MYDGF: variants seen among roughly 807,000 people sequenced by gnomAD.
MYDGF encodes myeloid-derived growth factor.
MYDGF carries 29 observed loss-of-function variants against 24.2 expected under a neutral mutation model. The observed-to-expected ratio is 1.20, with a 90% CI of 0.89 to 1.63. The LOEUF is 1.63. Ranked by LOEUF, MYDGF falls within the 40% of genes most tolerant of loss-of-function variation. The pLI, the probability that MYDGF is intolerant of heterozygous loss-of-function variation, is 0.00. For missense variants in MYDGF, 245 were observed against 234.8 expected, an observed-to-expected ratio of 1.04 and a Z score of -0.29; for synonymous variants, 105 against 102.5, an observed-to-expected ratio of 1.02 and a Z score of -0.15.
intron 2 of MYDGF, among the ~76,000 whole-genome samples, chr19:4,667,491 G>A (rs1599840235): frequency 1.3e-5 from 2 of 151,938 alleles, no homozygotes; most frequent in South Asian, 4.1e-4. Flanking sequence ...AGGCTGGTCT[G>A]GAGCTCCTGA....
intron 2 of MYDGF, among the ~76,000 whole-genome samples, chr19:4,665,944 C>T (rs535799219): frequency 6.6e-5 from 10 of 151,802 alleles, no homozygotes; most frequent in African/African-American, 2.4e-4. Flanking sequence ...AAAAGCCCTC[C>T]TGTCTGCTAA....
chr19:4,670,127 G>A (rs113015946), intron 1 of MYDGF, 34 bp downstream of exon 1: 14,831 of 1,455,552 alleles, frequency 0.01, 135 homozygotes, highest in South Asian at 0.037. Context: ...GGGCCTGCCA[G>A]CACTCAAATA....
chr19:4,658,800 T>A (rs1047444371), intron 5 of MYDGF, among the ~76,000 whole-genome samples: 3 of 152,164 alleles, frequency 2.0e-5, no homozygotes, highest in African/African-American at 4.8e-5. Context: ...ATTTATTTTT[T>A]AAAATTTATT....
chr19:4,662,997 T>A (rs2088482065), intron 3 of MYDGF, among the ~76,000 whole-genome samples: 1 of 150,682 alleles, frequency 6.6e-6, no homozygotes, highest in South Asian at 2.1e-4. Context: ...GTCCTCATTT[T>A]ACACAGCCTC....
intron 3 of MYDGF, among the ~76,000 whole-genome samples, chr19:4,662,587 T>C (rs2088479735): frequency 1.3e-5 from 2 of 152,018 alleles, no homozygotes; most frequent in Non-Finnish European, 2.9e-5. Flanking sequence ...TCGGGCGGTG[T>C]CTGGGGAGAC....
chr19:4,665,820 CAAAAAAAAAAAAA>C (rs533879529), intron 2 of MYDGF, among the ~76,000 whole-genome samples: 1,082 of 45,456 alleles, frequency 0.024, 27 homozygotes, highest in African/African-American at 0.047. Flanking sequence ...GACTCTGTCT[CAAAAAAAAAAAAA>C]AAAAAAAAAA....
At chr19:4,659,612 T>G in intron 5 of MYDGF, 1 of 477,754 alleles carries the variant, frequency 2.1e-6, no homozygotes, top group Non-Finnish European at 3.7e-6. Flanking sequence ...TCCTCCCACC[T>G]TAGCCTCCTG....
intron 5 of MYDGF, among the ~76,000 whole-genome samples, chr19:4,659,004 T>C (rs1268432412): frequency 6.6e-6 from 1 of 152,174 alleles, no homozygotes; most frequent in African/African-American, 2.4e-5. Context: ...GGTTTCACCA[T>C]GTTGGCTAGG....
chr19:4,670,324 G>C lies in MYDGF; in HGVS notation c.11C>G (p.Pro4Arg), dbSNP rs376938392. The C allele has an allele frequency of 6.3e-4, 926 of 1,460,666 alleles. 9 individuals carry two copies. The African/African-American group carries it at 0.011, about 18-fold the overall frequency. 90.5% of individuals were successfully genotyped at this position (1,460,666 alleles called of 1,614,324 possible). MAA[P>R]SGGWNGVGAS... ...GCCGACGCCGTTCCACCCTCCGCTG[G>C]GCGCCGCCATGTTGGACTAGGGTCC... Residue 4 changes from proline to arginine, a missense_variant, in exon 1 of 6, where the codon CCC becomes CGC. Transcript: ENST00000262947.
rs138557888 is a variant in MYDGF at position 4,661,047 on chromosome 19, G to A, written c.288-297C>T. 5.3e-4 allele frequency among the ~76,000 whole-genome samples: 79 copies of A among 148,218 alleles called. 1 individual carries two copies. In the East Asian group the frequency reaches 0.015, roughly 27 times the overall value. On this transcript the variant is annotated intron_variant, in intron 3 of 5. Transcript: ENST00000262947. ...CAATGGCACAATCTCACTCACTGCAGCCTCTGCCTCCTGGGTTTAAGTGAT... is the reference window on the plus strand; with the variant it reads ...CAATGGCACAATCTCACTCACTGCAACCTCTGCCTCCTGGGTTTAAGTGAT...
chr19:4,661,142 T>C (rs1185224549), intron 3 of MYDGF, among the ~76,000 whole-genome samples: 1 of 151,966 alleles, frequency 6.6e-6, no homozygotes, highest in Non-Finnish European at 1.5e-5. Context: ...AATTTTGGTA[T>C]TTTTAGTAAA....
intron 2 of MYDGF, among the ~76,000 whole-genome samples, chr19:4,665,678 G>C (rs925783746): frequency 6.6e-6 from 1 of 151,802 alleles, no homozygotes; most frequent in South Asian, 2.1e-4. Context: ...AAAATTAGCC[G>C]AGCGCAGTGG....
rs549097724 is a variant in MYDGF at position 4,670,105 on chromosome 19, C to T, written c.174+56G>A. Reference sequence around the variant, plus strand: ...CTCGGGCCCCGCCCCCAATGCTCCGCGCCCCCTCCCCGGGCCTGCCAGCAC... The same window carrying T: ...CTCGGGCCCCGCCCCCAATGCTCCGTGCCCCCTCCCCGGGCCTGCCAGCAC... On this transcript the variant is annotated intron_variant, in intron 1 of 5. Transcript: ENST00000262947. 3.5e-6 allele frequency: 5 copies of T among 1,411,630 alleles called. No homozygotes were observed. The East Asian group carries it at 1.1e-4, about 32-fold the overall frequency. 87.4% of individuals were successfully genotyped at this position (1,411,630 alleles called of 1,614,324 possible).
rs568646447 is a variant in MYDGF at position 4,659,317 on chromosome 19, AC to A, written c.442+613del. 1.8e-3 allele frequency among the ~76,000 whole-genome samples: 266 copies of A among 151,828 alleles called. 2 individuals are homozygous for A. Among genetic ancestry groups the A allele is most frequent in the African/African-American group, 5.8e-3 (241 of 41,378 alleles). On this transcript the variant is annotated intron_variant, in intron 5 of 5. Transcript: ENST00000262947. ...AGTGGCATGATCTCAGCTCACTGCAACCTCCACCTCCCAGGTTCCAGCAATT... is the reference window on the plus strand; with the variant it reads ...AGTGGCATGATCTCAGCTCACTGCAACTCCACCTCCCAGGTTCCAGCAATT...
intron 3 of MYDGF, among the ~76,000 whole-genome samples, chr19:4,663,841 G>A (rs865874182): frequency 1.4e-3 from 147 of 107,898 alleles, no homozygotes; most frequent in African/African-American, 4.5e-3. Flanking sequence ...TCCTCATTCT[G>A]CACAGGCTTC....
intron 2 of MYDGF, among the ~76,000 whole-genome samples, chr19:4,667,630 C>A (rs538193566): frequency 6.6e-6 from 1 of 152,116 alleles, no homozygotes; most frequent in African/African-American, 2.4e-5. Flanking sequence ...GCAAGGAAAC[C>A]GGGACCTTGG....
intron 5 of MYDGF, among the ~76,000 whole-genome samples, chr19:4,659,073 C>T (rs1178572435): frequency 6.7e-6 from 1 of 148,954 alleles, no homozygotes; most frequent in Non-Finnish European, 1.5e-5. Context: ...GCCACCATGC[C>T]CAGCCCTGTT....
chr19:4,660,770 G>A lies in MYDGF; in HGVS notation c.288-20C>T, dbSNP rs770069037. Reference sequence around the variant, plus strand: ...TGGGGCCTGCAGAGGAAGAGGGGGCGAGGGAGTCAGGCCAGGCCTGCTGGG... The same window carrying A: ...TGGGGCCTGCAGAGGAAGAGGGGGCAAGGGAGTCAGGCCAGGCCTGCTGGG... On this transcript the variant is annotated intron_variant, in intron 3 of 5. Coordinates refer to ENST00000262947, the MANE Select transcript of MYDGF (RefSeq NM_019107.4). 2.3e-5 allele frequency: 37 copies of A among 1,608,284 alleles called. No homozygotes were observed. Among genetic ancestry groups the A allele is most frequent in the Admixed American group, 3.3e-5 (2 of 59,886 alleles).
chr19:4,668,849 A>AT (rs59730499), intron 1 of MYDGF, among the ~76,000 whole-genome samples: 33,441 of 140,368 alleles, frequency 0.24, 6,499 homozygotes, highest in African/African-American at 0.54. Context: ...CACCCGACTA[A>AT]TTTTTTTTTT....
Sources: allele counts gnomAD v4.1 joint callset (sites outside exome capture counted in the v4.1 genomes callset), GRCh38; gene constraint gnomAD v4.1.1; transcripts MANE v1.5; gene names NCBI Gene and HGNC (gene_info 2026-07-23, HGNC 2026-07-21).